Variants in CLVS1 observed in about 807,000 individuals in gnomAD.
CLVS1 encodes clavesin 1, also known as clavesin-1.
CLVS1 carries 10 observed loss-of-function variants against 33.1 expected under a neutral mutation model. The observed-to-expected ratio is 0.30, with a 90% CI of 0.19 to 0.51. CLVS1 has a LOEUF of 0.51. CLVS1 is among the 20% of genes least tolerant of loss of function. CLVS1 has a pLI of 0.97. For synonymous variants in CLVS1, 163 were observed against 166.1 expected (o/e 0.98, Z 0.14); for missense variants, 343 against 433.4 (o/e 0.79, Z 1.85).
chr8:61,162,028 T>A (rs1270141529), intron 2 of CLVS1, among the ~76,000 whole-genome samples: 2 of 151,984 alleles, frequency 1.3e-5, no homozygotes, highest in Non-Finnish European at 2.9e-5. Context: ...GAAGATAATA[T>A]GCAAATGTTT....
chr8:61,012,129 G>A, the CLVS1 span, among the ~76,000 whole-genome samples: 1 of 152,162 alleles, frequency 6.6e-6, no homozygotes, highest in Non-Finnish European at 1.5e-5. Flanking sequence ...TGGCTCTGGA[G>A]AGCAAAGATG....
chr8:61,040,427 G>A, the CLVS1 span, among the ~76,000 whole-genome samples: 1 of 152,174 alleles, frequency 6.6e-6, no homozygotes, highest in South Asian at 2.1e-4. Context: ...TTCCACAGTG[G>A]CTGAACTAAT....
intron 3 of CLVS1, among the ~76,000 whole-genome samples, chr8:61,421,481 A>G (rs376713545): frequency 3.9e-5 from 6 of 152,336 alleles, no homozygotes; most frequent in South Asian, 2.1e-4. Flanking sequence ...CATCTGGCTG[A>G]TTCTGATGAA....
In CLVS1 at chr8:61,072,272, T is replaced by A. The variant is rs142921452; in HGVS notation, c.-243+15042T>A. On this transcript the variant is annotated intron_variant, in intron 1 of 2. Coordinates refer to the CLVS1 transcript ENST00000522621. ...GTCCACTTCCCCGCTCTGTGGCATT[T>A]TTCTTTGTTAATCTTATCCCCTTAT... is the stretch of plus-strand genomic sequence containing the variant. 2.2e-3 allele frequency among the ~76,000 whole-genome samples: 330 copies of A among 152,320 alleles called. 6 individuals are homozygous for A. The East Asian group carries it at 0.031, about 14-fold the overall frequency.
chr8:61,435,668 G>C (rs1190724581), intron 3 of CLVS1, among the ~76,000 whole-genome samples: 1 of 150,930 alleles, frequency 6.6e-6, no homozygotes, highest in Non-Finnish European at 1.5e-5. Context: ...TGTACTTTCT[G>C]ATGCACCACC....
intron 2 of CLVS1, among the ~76,000 whole-genome samples, chr8:61,206,886 A>G (rs1401265289): frequency 6.6e-6 from 1 of 152,136 alleles, no homozygotes. Context: ...TGCGCCCGGC[A>G]TCTATCCTAA....
At chr8:61,186,253 G>A (rs1373281086) in intron 2 of CLVS1, among the ~76,000 whole-genome samples, 1 of 152,252 alleles carries the variant, frequency 6.6e-6, no homozygotes, top group African/African-American at 2.4e-5. Context: ...GCTGTCTGCA[G>A]CTGGCATTTA....
chr8:61,266,326 T>C (rs1390148047), intron 2 of CLVS1, among the ~76,000 whole-genome samples: 1 of 148,938 alleles, frequency 6.7e-6, no homozygotes, highest in African/African-American at 2.5e-5. Context: ...CATAAATGCA[T>C]AGCTGAACTG....
intron 1 of CLVS1, among the ~76,000 whole-genome samples, chr8:61,060,936 T>C (rs1804571958): frequency 6.6e-6 from 1 of 152,208 alleles, no homozygotes; most frequent in Admixed American, 6.5e-5. Context: ...ATTCAGAGTA[T>C]TGCTTTAGGA....
At chr8:61,072,055 G>A (rs890055728) in intron 1 of CLVS1, among the ~76,000 whole-genome samples, 8 of 152,188 alleles carry the variant, frequency 5.3e-5, no homozygotes, top group East Asian at 1.9e-4. Flanking sequence ...GCTTAGATGC[G>A]GGTGAATGGC....
At chr8:61,286,314 A>T (rs1175770674), upstream of CLVS1, among the ~76,000 whole-genome samples, 2 of 152,220 alleles carry the variant, frequency 1.3e-5, no homozygotes, top group African/African-American at 4.8e-5. Context: ...TTAGATGATC[A>T]GCCAATATTT....
At chr8:61,153,188 C>A (rs1164586265) in intron 2 of CLVS1, among the ~76,000 whole-genome samples, 2 of 152,182 alleles carry the variant, frequency 1.3e-5, no homozygotes, top group East Asian at 1.9e-4. Context: ...TTTCTCTATG[C>A]AGAGCACAAG....
At chr8:61,229,733 C>T (rs1197083123) in intron 2 of CLVS1, among the ~76,000 whole-genome samples, 5 of 152,182 alleles carry the variant, frequency 3.3e-5, no homozygotes, top group Admixed American at 6.5e-5. Flanking sequence ...TGGGTTGAAG[C>T]GATTTTCCTG....
At chr8:61,277,096 C>G (rs151096482) in intron 2 of CLVS1, among the ~76,000 whole-genome samples, 1 of 152,304 alleles carries the variant, frequency 6.6e-6, no homozygotes, top group African/African-American at 2.4e-5. Context: ...CTTGCTGACT[C>G]CAGAGCCACA....
intron 3 of CLVS1, among the ~76,000 whole-genome samples, chr8:61,431,147 A>G (rs1314447379): frequency 2.0e-5 from 3 of 152,228 alleles, no homozygotes; most frequent in Non-Finnish European, 2.9e-5. Flanking sequence ...TCTCACTTAC[A>G]TAGAGAAGTC....
At chr8:61,035,187 C>CTTCT in the CLVS1 span, among the ~76,000 whole-genome samples, 51 of 129,410 alleles carry the variant, frequency 3.9e-4, no homozygotes, top group Non-Finnish European at 6.5e-4. Flanking sequence ...TTTCTTTTTT[C>CTTCT]TTTTTTTTTT....
chr8:61,004,522 TG>T, the CLVS1 span, among the ~76,000 whole-genome samples: 1 of 152,080 alleles, frequency 6.6e-6, no homozygotes. Flanking sequence ...TCTTTAAAAA[TG>T]TAAGGTTTAG....
chr8:61,498,434 GT>G (rs1289547571), intron 5 of CLVS1, among the ~76,000 whole-genome samples: 5 of 152,186 alleles, frequency 3.3e-5, no homozygotes, highest in Non-Finnish European at 5.9e-5. Context: ...ATATATGTAA[GT>G]TTTACTTATT....
rs34518774 is a variant in CLVS1 at position 61,125,963 on chromosome 8, ATT to A, written c.-242-5797_-242-5796del. On this transcript the variant is annotated intron_variant, in intron 1 of 2. Coordinates refer to the CLVS1 transcript ENST00000522621. ...ACGGAATAGAGCCTTTTTTAAGGAC[ATT>A]TTTTTTTTTCTGATTCCAAATGTAA... Among the ~76,000 whole-genome samples the A allele has an allele frequency of 4.7e-5, 7 of 150,220 alleles. No individual in the cohort carries two copies. The East Asian group carries it at 5.8e-4, about 13-fold the overall frequency.
Sources: gnomAD v4.1 joint callset for allele counts (sites outside exome capture counted in the v4.1 genomes callset) on GRCh38, gnomAD v4.1.1 for gene constraint, MANE v1.5 for transcripts, NCBI Gene and HGNC (gene_info 2026-07-23, HGNC 2026-07-21) for gene names.